Variants in SOX6 observed in about 807,000 individuals in gnomAD.
The protein encoded by SOX6 is SRY-box transcription factor 6, also known as transcription factor SOX-6.
Under a neutral mutation model 97.8 loss-of-function variants are expected in SOX6, and 11 were observed. The observed-to-expected ratio is 0.11, with a 90% CI of 0.07 to 0.19. The LOEUF is 0.19. SOX6 is among the 10% of genes least tolerant of loss of function. The pLI is 1.00. For missense variants in SOX6, 810 were observed against 1,039.5 expected (o/e 0.78, Z 3.04); for synonymous variants, 360 against 371.4 (o/e 0.97, Z 0.35).
chr11:16,540,169 C>G (rs749467214), intron 4 of SOX6, among the ~76,000 whole-genome samples: 7 of 152,086 alleles, frequency 4.6e-5, no homozygotes, highest in Non-Finnish European at 1.0e-4. Flanking sequence ...GTACAACATA[C>G]GCAAATCAAT....
At chr11:16,585,965 G>T (rs1266504383) in intron 4 of SOX6, among the ~76,000 whole-genome samples, 1 of 152,140 alleles carries the variant, frequency 6.6e-6, no homozygotes, top group Non-Finnish European at 1.5e-5. Context: ...TTGCAGGCAT[G>T]AGCCACTGTG....
At chr11:16,487,174 G>GT (rs1207590220) in intron 4 of SOX6, among the ~76,000 whole-genome samples, 1 of 152,026 alleles carries the variant, frequency 6.6e-6, no homozygotes, top group Non-Finnish European at 1.5e-5. Context: ...TGGAGTTTCT[G>GT]TTTTTTAACA....
intron 4 of SOX6, among the ~76,000 whole-genome samples, chr11:16,569,005 AAAAAC>A (rs1847907376): frequency 6.6e-6 from 1 of 152,200 alleles, no homozygotes; most frequent in African/African-American, 2.4e-5. Flanking sequence ...GAATGAAAGA[AAAAAC>A]AAATTAATAA....
intron 12 of SOX6, among the ~76,000 whole-genome samples, chr11:16,023,540 T>C (rs936154613): frequency 2.0e-5 from 3 of 152,150 alleles, no homozygotes; most frequent in Non-Finnish European, 2.9e-5. Flanking sequence ...AGTAGAGTGA[T>C]CTCCTGGTCA....
At chr11:16,209,447 T>C (rs1475124621) in intron 4 of SOX6, among the ~76,000 whole-genome samples, 1 of 152,122 alleles carries the variant, frequency 6.6e-6, no homozygotes, top group Non-Finnish European at 1.5e-5. Context: ...ATGTGTGAAA[T>C]GTAAATGATC....
At chr11:16,371,091 C>T (rs1032954028) in intron 1 of SOX6, among the ~76,000 whole-genome samples, 2 of 152,160 alleles carry the variant, frequency 1.3e-5, no homozygotes, top group Non-Finnish European at 2.9e-5. Flanking sequence ...ATGACCTACA[C>T]ATTCCTATTT....
At position 16,304,379 on chromosome 11, in the gene SOX6, G is replaced by T. The variant is rs946160136; in HGVS notation, c.445+14067C>A. 2.6e-5 allele frequency among the ~76,000 whole-genome samples: 4 copies of T among 152,146 alleles called. 1 individual carries two copies. Among genetic ancestry groups the T allele is most frequent in the Non-Finnish European group, 1.5e-5 (1 of 68,030 alleles). On this transcript the variant is annotated intron_variant, in intron 3 of 15. Transcript: ENST00000683767. ...ATGAGGGCTCCACCTTCATGAATAG[G>T]ATTGATGTCCTTATAAAAGAGGTCT...
At chr11:16,141,146 A>C (rs912911504) in intron 6 of SOX6, among the ~76,000 whole-genome samples, 11 of 152,108 alleles carry the variant, frequency 7.2e-5, no homozygotes, top group African/African-American at 1.7e-4. Flanking sequence ...GCTCATGCTC[A>C]GTATATATGA....
chr11:16,077,931 A>G (rs1848393690), intron 9 of SOX6, among the ~76,000 whole-genome samples: 1 of 151,156 alleles, frequency 6.6e-6, no homozygotes, highest in Non-Finnish European at 1.5e-5. Context: ...TAAATAACAA[A>G]CTTGCCAAAA....
chr11:16,645,535 A>T (rs770283480), intron 3 of SOX6, among the ~76,000 whole-genome samples: 3 of 152,204 alleles, frequency 2.0e-5, no homozygotes, highest in African/African-American at 4.8e-5. Flanking sequence ...GTGATTGCAG[A>T]TGTAATGAGT....
At chr11:16,288,871 T>G (rs759042289) in intron 3 of SOX6, among the ~76,000 whole-genome samples, 5 of 151,992 alleles carry the variant, frequency 3.3e-5, no homozygotes, top group Non-Finnish European at 5.9e-5. Flanking sequence ...TAGTCTCCAT[T>G]AAACAAATCA....
intron 3 of SOX6, among the ~76,000 whole-genome samples, chr11:16,708,356 A>G (rs1848152618): frequency 6.6e-6 from 1 of 152,212 alleles, no homozygotes; most frequent in Admixed American, 6.5e-5. Context: ...CCTCTGATGC[A>G]TCCACATTCT....
At chr11:16,435,048 G>C (rs1859348003) in intron 1 of SOX6, among the ~76,000 whole-genome samples, 1 of 152,058 alleles carries the variant, frequency 6.6e-6, no homozygotes, top group Non-Finnish European at 1.5e-5. Context: ...GAAACTTAAA[G>C]TTATTATTTA....
At chr11:16,004,638 T>G (rs932620218) in intron 13 of SOX6, among the ~76,000 whole-genome samples, 1 of 152,008 alleles carries the variant, frequency 6.6e-6, no homozygotes, top group African/African-American at 2.4e-5. Flanking sequence ...GTGCCTAATA[T>G]TTCTGTGGTT....
chr11:15,991,846 C>T (rs1854061975), intron 13 of SOX6, among the ~76,000 whole-genome samples: 1 of 152,188 alleles, frequency 6.6e-6, no homozygotes, highest in Non-Finnish European at 1.5e-5. Flanking sequence ...ATATGCCATA[C>T]ATATGCCCAA....
At chr11:16,674,637 G>A (rs1847871967) in intron 3 of SOX6, among the ~76,000 whole-genome samples, 2 of 151,886 alleles carry the variant, frequency 1.3e-5, no homozygotes, top group Non-Finnish European at 1.5e-5. Context: ...GGAAGCCAAG[G>A]CAGGCAGATC....
chr11:16,409,732 A>T (rs1298351072), intron 1 of SOX6, among the ~76,000 whole-genome samples: 1 of 152,148 alleles, frequency 6.6e-6, no homozygotes, highest in African/African-American at 2.4e-5. Context: ...CAACAGATGC[A>T]ATGGATAGAA....
chr11:16,649,370 A>T (rs1590037332), intron 3 of SOX6, among the ~76,000 whole-genome samples: 1 of 152,320 alleles, frequency 6.6e-6, no homozygotes, highest in Admixed American at 6.5e-5. Flanking sequence ...CTGTCAGACA[A>T]AAGCATCAGG....
chr11:16,671,088 A>G (rs955862240), intron 3 of SOX6, among the ~76,000 whole-genome samples: 2 of 152,252 alleles, frequency 1.3e-5, no homozygotes, highest in African/African-American at 4.8e-5. Flanking sequence ...AGCTACAGAT[A>G]AAGATCCTGC....
Sources: gnomAD v4.1 joint callset for allele counts (sites outside exome capture counted in the v4.1 genomes callset) on GRCh38, gnomAD v4.1.1 for gene constraint, MANE v1.5 for transcripts, NCBI Gene and HGNC (gene_info 2026-07-23, HGNC 2026-07-21) for gene names.